Variants in EPB41L4A observed in about 807,000 individuals in gnomAD.
The protein encoded by EPB41L4A is band 4.1-like protein 4A.
In EPB41L4A, 100 loss-of-function variants were observed where a neutral mutation model predicts 108.6. The observed-to-expected ratio is 0.92, with a 90% CI of 0.78 to 1.09. The LOEUF (loss-of-function observed/expected upper bound fraction) is 1.09. Ranked by LOEUF, EPB41L4A falls within the 50% of genes least tolerant of loss-of-function variation. EPB41L4A has a pLI of 0.00. For missense variants in EPB41L4A, 1,030 were observed against 842.7 expected (o/e 1.22, Z -2.75); for synonymous variants, 319 against 289.0 (o/e 1.10, Z -1.05).
chr5:112,325,398 G>A (rs966474608), intron 1 of EPB41L4A, among the ~76,000 whole-genome samples: 2 of 149,318 alleles, frequency 1.3e-5, no homozygotes, highest in Non-Finnish European at 3.0e-5. Context: ...CGGAGATAGC[G>A]CCACTACACT....
At chr5:112,297,540 T>C (rs1754076739) in intron 2 of EPB41L4A, among the ~76,000 whole-genome samples, 1 of 152,208 alleles carries the variant, frequency 6.6e-6, no homozygotes, top group Non-Finnish European at 1.5e-5. Context: ...TAGTCCCTTG[T>C]CAGATATATA....
At chr5:112,301,841 G>A (rs922383627) in intron 2 of EPB41L4A, among the ~76,000 whole-genome samples, 1 of 151,972 alleles carries the variant, frequency 6.6e-6, no homozygotes. Context: ...AACAATTAGA[G>A]CCTTAACATC....
chr5:112,279,252 T>C (rs918971933), intron 3 of EPB41L4A, among the ~76,000 whole-genome samples: 3 of 152,084 alleles, frequency 2.0e-5, no homozygotes, highest in Admixed American at 2.0e-4. Context: ...TCGGATGGCT[T>C]TGCAGTCCAG....
At chr5:112,173,880 A>C (rs1760730820) in intron 18 of EPB41L4A, among the ~76,000 whole-genome samples, 1 of 152,048 alleles carries the variant, frequency 6.6e-6, no homozygotes, top group Non-Finnish European at 1.5e-5. Context: ...TTGACCTCAT[A>C]ATCTGCCCAC....
At chr5:112,312,946 G>C (rs969060347) in intron 1 of EPB41L4A, among the ~76,000 whole-genome samples, 1 of 152,160 alleles carries the variant, frequency 6.6e-6, no homozygotes, top group African/African-American at 2.4e-5. Flanking sequence ...TGCAATTAAA[G>C]TATATTTGTC....
chr5:112,242,896 G>C (rs1749903571), intron 9 of EPB41L4A, among the ~76,000 whole-genome samples: 1 of 152,042 alleles, frequency 6.6e-6, no homozygotes, highest in Non-Finnish European at 1.5e-5. Flanking sequence ...CTGAGCAGTA[G>C]ATATCAACAT....
At chr5:112,388,194 C>T (rs896377793) in intron 1 of EPB41L4A, among the ~76,000 whole-genome samples, 15 of 152,154 alleles carry the variant, frequency 9.9e-5, no homozygotes, top group South Asian at 2.1e-4. Flanking sequence ...CACAAAAATA[C>T]GCTTATCTCC....
At chr5:112,160,631 T>G (rs1759829314), downstream of EPB41L4A, 3 of 153,136 alleles carry the variant, frequency 2.0e-5, no homozygotes, top group South Asian at 6.2e-4. Context: ...TCTGGATACC[T>G]CCTCTGTGGA....
At chr5:112,162,487 G>A (rs1442953244), downstream of EPB41L4A, 1 of 152,192 alleles carries the variant, frequency 6.6e-6, no homozygotes, top group East Asian at 1.9e-4. Flanking sequence ...CAAAAATCGT[G>A]GCTAGAACTA....
At chr5:112,364,699 C>G (rs1053190527) in intron 1 of EPB41L4A, among the ~76,000 whole-genome samples, 5 of 152,194 alleles carry the variant, frequency 3.3e-5, no homozygotes, top group African/African-American at 9.6e-5. Context: ...TAAATCCTAA[C>G]AAAACATCTA....
intron 2 of EPB41L4A, among the ~76,000 whole-genome samples, chr5:112,296,401 T>G (rs755529566): frequency 6.6e-6 from 1 of 152,112 alleles, no homozygotes; most frequent in Non-Finnish European, 1.5e-5. Flanking sequence ...TTAAGAAATT[T>G]TAAGACAGGT....
At chr5:112,357,251 T>C (rs922364260) in intron 1 of EPB41L4A, among the ~76,000 whole-genome samples, 1 of 152,248 alleles carries the variant, frequency 6.6e-6, no homozygotes, top group Admixed American at 6.5e-5. Context: ...AACCAGGCTC[T>C]GGCAAAGCCT....
chr5:112,179,452 C>G (rs985143643), intron 18 of EPB41L4A, among the ~76,000 whole-genome samples: 5 of 152,006 alleles, frequency 3.3e-5, no homozygotes, highest in African/African-American at 7.2e-5. Flanking sequence ...CAAATAGAAT[C>G]CAGCTACATA....
At position 112,167,793 on chromosome 5, in the gene EPB41L4A, T is replaced by C. The variant is rs373800732; in HGVS notation, c.1932+946A>G. Among the ~76,000 whole-genome samples, 17 of 152,266 alleles carry C rather than the reference T, an allele frequency of 1.1e-4. 1 individual carries two copies. In the East Asian group the frequency reaches 3.1e-3, roughly 28 times the overall value. ...ATGCAGATCTCCATTTCAGAATCTATCTAGGGAACCTAACCTAAATTAGCA... is the reference window on the plus strand; with the variant it reads ...ATGCAGATCTCCATTTCAGAATCTACCTAGGGAACCTAACCTAAATTAGCA... On this transcript the variant is annotated intron_variant, in intron 22 of 22. Coordinates refer to ENST00000261486, the MANE Select transcript of EPB41L4A (RefSeq NM_022140.5).
Position 112,168,834 on chromosome 5 carries a change from G to C in EPB41L4A, c.1851-14C>G. On this transcript the variant is annotated splice_polypyrimidine_tract_variant and intron_variant, in intron 21 of 22. Coordinates refer to ENST00000261486, the MANE Select transcript of EPB41L4A (RefSeq NM_022140.5). The stretch of plus-strand genomic sequence containing the variant: ...TCTGTTTTTGAACTGCAGAGAATGA[G>C]TTTTAGAATTAGTGACTGGAACAGT... 1 of 1,607,608 alleles carries C rather than the reference G, an allele frequency of 6.2e-7. No individual in the cohort carries two copies. Among genetic ancestry groups the C allele is most frequent in the East Asian group, 2.2e-5 (1 of 44,832 alleles).
chr5:112,284,857 C>T (rs1366260138), intron 2 of EPB41L4A, among the ~76,000 whole-genome samples: 1 of 152,184 alleles, frequency 6.6e-6, no homozygotes, highest in Non-Finnish European at 1.5e-5. Context: ...CTCTGACAGT[C>T]CTGGCTAAAT....
intron 1 of EPB41L4A, among the ~76,000 whole-genome samples, chr5:112,389,105 G>A (rs1233831266): frequency 1.3e-5 from 2 of 152,018 alleles, no homozygotes; most frequent in African/African-American, 4.8e-5. Flanking sequence ...AAGATTCGGA[G>A]AACAACAACA....
chr5:112,419,879 G>A, upstream of EPB41L4A: 1 of 456,768 alleles, frequency 2.2e-6, no homozygotes, highest in South Asian at 1.5e-5. Flanking sequence ...AATGCCTGCC[G>A]CGGCGGCGGA....
At chr5:112,238,665 G>A (rs1020061036) in intron 11 of EPB41L4A, among the ~76,000 whole-genome samples, 3 of 152,162 alleles carry the variant, frequency 2.0e-5, no homozygotes, top group Non-Finnish European at 4.4e-5. Context: ...TCCCATCTCT[G>A]TGACACTAGG....
Sources: allele counts gnomAD v4.1 joint callset (sites outside exome capture counted in the v4.1 genomes callset), GRCh38; gene constraint gnomAD v4.1.1; transcripts MANE v1.5; gene names NCBI Gene and HGNC (gene_info 2026-07-23, HGNC 2026-07-21).